SMARCC1: variants seen among roughly 807,000 people sequenced by gnomAD.
SMARCC1 encodes the protein SWI/SNF related BAF chromatin remodeling complex subunit C1.
SMARCC1 carries 43 observed loss-of-function variants against 147.4 expected under a neutral mutation model. The ratio of observed to expected loss-of-function variants is 0.29; its 90% CI spans 0.23 to 0.38. The LOEUF (loss-of-function observed/expected upper bound fraction) is 0.38. SMARCC1 is among the 10% of genes least tolerant of loss of function. SMARCC1 has a pLI of 1.00. For synonymous variants in SMARCC1, 495 were observed against 484.4 expected (o/e 1.02, Z -0.29); for missense variants, 1,119 against 1,381.1 (o/e 0.81, Z 3.01).
intron 25 of SMARCC1, among the ~76,000 whole-genome samples, chr3:47,614,992 C>G (rs2032618239): frequency 6.6e-6 from 1 of 152,190 alleles, no homozygotes; most frequent in African/African-American, 2.4e-5. Flanking sequence ...CAGTCATACT[C>G]CTGCCTCAGG....
At chr3:47,686,254 G>T (rs1466670204) in intron 13 of SMARCC1, 84 bp from the exon 14 acceptor site, 6 of 1,119,170 alleles carry the variant, frequency 5.4e-6, no homozygotes, top group South Asian at 3.1e-5. Flanking sequence ...CAGTTGTTAG[G>T]TTAAATAAAA....
chr3:47,713,166 G>C (rs1461435350), intron 8 of SMARCC1, among the ~76,000 whole-genome samples: 1 of 151,622 alleles, frequency 6.6e-6, no homozygotes, highest in Non-Finnish European at 1.5e-5. Context: ...ACTAAAAAAA[G>C]AAAAATTAGC....
intron 19 of SMARCC1, 70 bp downstream of exon 19, chr3:47,670,588 T>TAAAAC (rs376539824): frequency 6.7e-6 from 7 of 1,047,430 alleles, no homozygotes; most frequent in African/African-American, 1.6e-5. Flanking sequence ...TGCCTCTAAA[T>TAAAAC]AAAACAAAAC....
rs754632085 is a variant in SMARCC1 at position 47,588,071 on chromosome 3, G to C, written c.*138C>G. Reference sequence around the variant, plus strand: ...CAGAGAGAGGGGTGGTAAGAGGAGTGGGGAGGCACGGGACACGTGCTTGGA... The same window carrying C: ...CAGAGAGAGGGGTGGTAAGAGGAGTCGGGAGGCACGGGACACGTGCTTGGA... On this transcript the variant is annotated 3_prime_UTR_variant, in exon 28 of 28. Transcript: ENST00000254480. 8.8e-5 allele frequency: 58 copies of C among 658,162 alleles called. No homozygotes were observed. The highest frequency in any genetic ancestry group is 1.5e-4 in the Non-Finnish European group (55 of 377,468). 40.8% of individuals were successfully genotyped at this position (658,162 alleles called of 1,614,324 possible). A position where few individuals can be genotyped will look rare whatever the true frequency, so the allele number is the denominator to read the frequency against.
At chr3:47,658,523 A>G (rs2033293256) in intron 21 of SMARCC1, among the ~76,000 whole-genome samples, 1 of 152,230 alleles carries the variant, frequency 6.6e-6, no homozygotes, top group South Asian at 2.1e-4. Flanking sequence ...GCAATCATAT[A>G]ATATATTGGC....
chr3:47,628,933 T>A (rs776761417), intron 24 of SMARCC1, among the ~76,000 whole-genome samples: 1 of 152,124 alleles, frequency 6.6e-6, no homozygotes, highest in Non-Finnish European at 1.5e-5. Flanking sequence ...CTACAACAAG[T>A]AGAATGCAGG....
At chr3:47,686,977 T>C (rs2033733502) in intron 13 of SMARCC1, among the ~76,000 whole-genome samples, 1 of 152,106 alleles carries the variant, frequency 6.6e-6, no homozygotes, top group African/African-American at 2.4e-5. Context: ...GGCAAGACCC[T>C]GCCTCAAAAA....
chr3:47,597,020 TA>T (rs2032294904), intron 26 of SMARCC1, among the ~76,000 whole-genome samples: 1 of 150,534 alleles, frequency 6.6e-6, no homozygotes, highest in African/African-American at 2.4e-5. Flanking sequence ...ATGATGAAAA[TA>T]AAAAAATTAG....
rs2032070724 is a variant in SMARCC1 at position 47,586,323 on chromosome 3, T to C, written c.*1886A>G. 1 of 152,186 alleles carries C rather than the reference T, an allele frequency of 6.6e-6. No homozygotes were observed. Among genetic ancestry groups the C allele is most frequent in the South Asian group, 2.1e-4 (1 of 4,832 alleles). The allele number at this position is 152,186 out of a possible 1,614,324, so 9.4% of individuals were successfully genotyped here. On this transcript the variant is annotated 3_prime_UTR_variant, in exon 28 of 28. Transcript: ENST00000254480. ...AAGAAGTATTTGGAATGAGTTTCCTTTGGGAAAGACTGGCAGGAAGTAGGT... is the reference window on the plus strand; with the variant it reads ...AAGAAGTATTTGGAATGAGTTTCCTCTGGGAAAGACTGGCAGGAAGTAGGT...
At chr3:47,630,883 G>T (rs1488319031) in intron 24 of SMARCC1, among the ~76,000 whole-genome samples, 1 of 151,960 alleles carries the variant, frequency 6.6e-6, no homozygotes, top group Admixed American at 6.6e-5. Context: ...GGCAATATAG[G>T]GAGACCCCGT....
At chr3:47,778,199 AAAAC>A (rs1416033995) in intron 1 of SMARCC1, among the ~76,000 whole-genome samples, 1 of 143,920 alleles carries the variant, frequency 6.9e-6, no homozygotes, top group Non-Finnish European at 1.5e-5. Flanking sequence ...TCAAAAAAAA[AAAAC>A]AAAAAACAAA....
At chr3:47,691,347 C>T (rs2033786694) in intron 12 of SMARCC1, among the ~76,000 whole-genome samples, 1 of 152,168 alleles carries the variant, frequency 6.6e-6, no homozygotes, top group Non-Finnish European at 1.5e-5. Flanking sequence ...GGCATGGTGG[C>T]TCACGCCTGT....
At chr3:47,767,131 C>T (rs1255676765) in intron 2 of SMARCC1, among the ~76,000 whole-genome samples, 7 of 131,458 alleles carry the variant, frequency 5.3e-5, no homozygotes, top group Admixed American at 1.8e-4. Flanking sequence ...TGCAGTGAGC[C>T]GAGATCACAC....
chr3:47,670,609 G>T, intron 19 of SMARCC1, 49 bp downstream of exon 19: 1 of 1,129,496 alleles, frequency 8.9e-7, no homozygotes. Flanking sequence ...AAAATAAAAT[G>T]CTAGTCAAAG....
chr3:47,661,343 C>T lies in SMARCC1; in HGVS notation c.2271G>A (p.Leu757=), dbSNP rs754155220. The stretch of plus-strand genomic sequence containing the variant: ...CTGTGCCTGCAATGCAGCTGCTCTC[C>T]AGACCGTAGGTGGGATCCACTTTCC... ...ASGKVDPTYG[L]ESSCIAGTGP... The change falls in exon 21 of 28, where the codon CTG becomes CTA. Residue 757 remains leucine (L), a synonymous_variant. Transcript: ENST00000254480. 3.7e-6 allele frequency: 6 copies of T among 1,613,868 alleles called. No homozygotes were observed. Among genetic ancestry groups the T allele is most frequent in the Non-Finnish European group, 4.2e-6 (5 of 1,179,944 alleles).
chr3:47,771,763 T>C (rs2034916919), intron 2 of SMARCC1, among the ~76,000 whole-genome samples: 1 of 150,640 alleles, frequency 6.6e-6, no homozygotes, highest in Non-Finnish European at 1.5e-5. Flanking sequence ...CATGATATAA[T>C]ATAACATAAC....
At chr3:47,759,481 C>T (rs929781448) in intron 2 of SMARCC1, among the ~76,000 whole-genome samples, 2 of 149,438 alleles carry the variant, frequency 1.3e-5, no homozygotes, top group African/African-American at 4.9e-5. Context: ...ATTAGCCGAG[C>T]ATGGTGGGGC....
At chr3:47,721,628 T>C (rs986154994) in intron 6 of SMARCC1, among the ~76,000 whole-genome samples, 1 of 152,160 alleles carries the variant, frequency 6.6e-6, no homozygotes, top group African/African-American at 2.4e-5. Context: ...TAACAAGATA[T>C]AGCCTCATTT....
intron 6 of SMARCC1, among the ~76,000 whole-genome samples, chr3:47,727,560 T>A (rs1311938634): frequency 1.3e-5 from 2 of 151,960 alleles, no homozygotes; most frequent in Non-Finnish European, 2.9e-5. Flanking sequence ...TCCATTCACC[T>A]AATTATTTTA....
Sources: gnomAD v4.1 joint callset for allele counts (sites outside exome capture counted in the v4.1 genomes callset) on GRCh38, gnomAD v4.1.1 for gene constraint, MANE v1.5 for transcripts, NCBI Gene and HGNC (gene_info 2026-07-23, HGNC 2026-07-21) for gene names.